The following ST18 variants were observed in gnomAD, a reference collection of about 807,000 sequenced individuals.
ST18 encodes the protein ST18 C2H2C-type zinc finger transcription factor.
A neutral mutation model predicts 110.0 loss-of-function variants in ST18; 50 were observed. That is an observed-to-expected ratio of 0.45 (90% CI 0.36 to 0.58). The LOEUF (loss-of-function observed/expected upper bound fraction) is 0.58, where lower values mean the gene tolerates loss of function less well. ST18 is among the 20% of genes least tolerant of loss of function. The probability of loss-of-function intolerance (pLI) is 0.00; values close to 1 mark genes in which losing one functional copy is unlikely to be tolerated. For synonymous variants in ST18, 461 were observed against 452.4 expected (o/e 1.02, Z -0.24); for missense variants, 1,306 against 1,280.1 (o/e 1.02, Z -0.31).
At chr8:52,389,605 G>A (rs192425905) in intron 2 of ST18, among the ~76,000 whole-genome samples, 1 of 152,148 alleles carries the variant, frequency 6.6e-6, no homozygotes, top group Non-Finnish European at 1.5e-5. Context: ...TCGTCACCTG[G>A]GAAGCGCAGA....
At chr8:52,255,659 C>A (rs947291148) in intron 2 of ST18, among the ~76,000 whole-genome samples, 1 of 152,040 alleles carries the variant, frequency 6.6e-6, no homozygotes, top group African/African-American at 2.4e-5. Context: ...TTAAGAAAAC[C>A]ACCATGGAAG....
chr8:52,217,608 C>G (rs1221370082), intron 6 of ST18, 138 bp downstream of exon 6: 1 of 151,972 alleles, frequency 6.6e-6, no homozygotes, highest in Non-Finnish European at 1.5e-5. Flanking sequence ...AAAAGCAAAA[C>G]TTGGAGGAAA....
intron 2 of ST18, among the ~76,000 whole-genome samples, chr8:52,294,222 G>A (rs553995096): frequency 6.6e-6 from 1 of 152,220 alleles, no homozygotes; most frequent in South Asian, 2.1e-4. Flanking sequence ...AATTTGCCCT[G>A]AATAAGATGG....
intron 2 of ST18, among the ~76,000 whole-genome samples, chr8:52,330,522 T>C (rs934492922): frequency 6.7e-6 from 1 of 149,180 alleles, no homozygotes; most frequent in African/African-American, 2.5e-5. Flanking sequence ...AAAGGAAAAA[T>C]AAATGGTGGG....
intron 2 of ST18, among the ~76,000 whole-genome samples, chr8:52,391,441 G>A (rs1193377207): frequency 6.6e-6 from 1 of 152,198 alleles, no homozygotes; most frequent in Non-Finnish European, 1.5e-5. Flanking sequence ...TGGAAGCATG[G>A]AGGAAGGAGA....
At chr8:52,116,750 A>G (rs1337151671) in intron 24 of ST18, among the ~76,000 whole-genome samples, 1 of 152,166 alleles carries the variant, frequency 6.6e-6, no homozygotes, top group Non-Finnish European at 1.5e-5. Context: ...TTTTCCAGTC[A>G]GCAGCAACTC....
At position 52,398,447 on chromosome 8, in the gene ST18, A is replaced by C. The variant is rs189604979; in HGVS notation, c.-465+10881T>G. Among the ~76,000 whole-genome samples, 243 of 152,286 alleles carry C rather than the reference A, an allele frequency of 1.6e-3. 1 individual carries two copies. Among genetic ancestry groups the C allele is most frequent in the Non-Finnish European group, 3.0e-3 (204 of 67,978 alleles). On this transcript the variant is annotated intron_variant, in intron 2 of 25. Coordinates refer to ENST00000689386, the MANE Select transcript of ST18 (RefSeq NM_001352837.2). ...ACTGCTTTTGCTAGTAGTCAGTACTAGGCTGAATGAAGTGGTGAGAACAGG... is the reference window on the plus strand; with the variant it reads ...ACTGCTTTTGCTAGTAGTCAGTACTCGGCTGAATGAAGTGGTGAGAACAGG...
At position 52,263,363 on chromosome 8, in the gene ST18, T is replaced by C. The variant is rs117725422; in HGVS notation, c.-464-33286A>G. On this transcript the variant is annotated intron_variant, in intron 2 of 25. Coordinates refer to ENST00000689386, the MANE Select transcript of ST18 (RefSeq NM_001352837.2). Reference sequence around the variant, plus strand: ...AAAATAGATCTATAAACCATTGACATTGGAAGATTTTGAAGTTATCAAATG... The same window carrying C: ...AAAATAGATCTATAAACCATTGACACTGGAAGATTTTGAAGTTATCAAATG... Among the ~76,000 whole-genome samples the C allele has an allele frequency of 4.3e-4, 66 of 152,204 alleles. 1 individual carries two copies. In the East Asian group the frequency reaches 9.9e-3, roughly 23 times the overall value.
rs909294356 is a variant in ST18, at chr8:52,233,623, T to C, written c.-464-3546A>G. Among the ~76,000 whole-genome samples the C allele has an allele frequency of 5.3e-5, 8 of 152,160 alleles. 1 individual carries two copies. The highest frequency in any genetic ancestry group is 1.0e-4 in the Non-Finnish European group (7 of 68,024). ...TCTGGTTATTTGAACATCTGATTGA[T>C]AGTTGTCTCCCACGACCAATGAGAG... On this transcript the variant is annotated intron_variant, in intron 2 of 25. Transcript: ENST00000689386.
At chr8:52,285,430 T>G (rs1339034788) in intron 2 of ST18, among the ~76,000 whole-genome samples, 2 of 152,244 alleles carry the variant, frequency 1.3e-5, no homozygotes, top group Non-Finnish European at 2.9e-5. Context: ...ACAACAGAAT[T>G]GCCTTGTGTT....
chr8:52,287,418 A>T (rs991071621), intron 2 of ST18, among the ~76,000 whole-genome samples: 2 of 152,142 alleles, frequency 1.3e-5, no homozygotes, highest in African/African-American at 4.8e-5. Flanking sequence ...CTCAAAGAGG[A>T]GGTAGGGAAG....
chr8:52,366,470 C>T (rs548243003), intron 2 of ST18, among the ~76,000 whole-genome samples: 2 of 152,316 alleles, frequency 1.3e-5, no homozygotes, highest in African/African-American at 4.8e-5. Context: ...TCCAGCCTCA[C>T]TGCCCACTCC....
intron 2 of ST18, among the ~76,000 whole-genome samples, chr8:52,386,045 T>C (rs1564631300): frequency 6.6e-6 from 1 of 152,114 alleles, no homozygotes; most frequent in Non-Finnish European, 1.5e-5. Context: ...AAGAAGGAAA[T>C]CCAAAATGCC....
intron 2 of ST18, chr8:52,313,030 C>T (rs1022661879): frequency 6.6e-6 from 1 of 152,246 alleles, no homozygotes; most frequent in Admixed American, 6.5e-5. Context: ...TGAAGATTGA[C>T]CCTAAATGAG....
intron 2 of ST18, among the ~76,000 whole-genome samples, chr8:52,303,607 T>C (rs2095764955): frequency 3.3e-5 from 5 of 152,154 alleles, no homozygotes; most frequent in Admixed American, 3.3e-4. Context: ...TACACAACAT[T>C]TGATAAGCCT....
intron 2 of ST18, among the ~76,000 whole-genome samples, chr8:52,339,794 C>T (rs776038001): frequency 1.3e-5 from 2 of 152,332 alleles, no homozygotes; most frequent in African/African-American, 2.4e-5. Flanking sequence ...CACCCCTTTC[C>T]GAGTTCTATT....
chr8:52,339,412 G>A (rs751519832), intron 2 of ST18, among the ~76,000 whole-genome samples: 6 of 152,188 alleles, frequency 3.9e-5, no homozygotes, highest in Non-Finnish European at 7.3e-5. Context: ...TTCCTAAACC[G>A]ACTGTACCAC....
chr8:52,334,990 A>T (rs1042058042), intron 2 of ST18, among the ~76,000 whole-genome samples: 2 of 152,240 alleles, frequency 1.3e-5, no homozygotes, highest in Non-Finnish European at 2.9e-5. Context: ...TTGAAAAAAT[A>T]ACAAAATTAT....
chr8:52,330,085 A>G (rs2140051635), intron 2 of ST18, among the ~76,000 whole-genome samples: 1 of 152,356 alleles, frequency 6.6e-6, no homozygotes, highest in Non-Finnish European at 1.5e-5. Flanking sequence ...AAACATTAAA[A>G]ATGATCTTAA....
Sources: gnomAD v4.1 joint callset for allele counts (sites outside exome capture counted in the v4.1 genomes callset) on GRCh38, gnomAD v4.1.1 for gene constraint, MANE v1.5 for transcripts, NCBI Gene and HGNC (gene_info 2026-07-23, HGNC 2026-07-21) for gene names.